IFI30: variants seen among roughly 807,000 people sequenced by gnomAD.
IFI30 encodes the protein gamma-interferon-inducible lysosomal thiol reductase.
IFI30 carries 26 observed loss-of-function variants against 30.1 expected under a neutral mutation model. The observed-to-expected ratio is 0.87, with a 90% CI of 0.63 to 1.20. The LOEUF is 1.20. IFI30 is among the 50% of genes most tolerant of loss of function. IFI30 has a pLI of 0.00. For missense variants in IFI30, 296 were observed against 312.5 expected (o/e 0.95, Z 0.40); for synonymous variants, 149 against 134.5 (o/e 1.11, Z -0.75).
rs747340681 is a variant in IFI30 at position 18,175,242 on chromosome 19, A to C, written c.315+20A>C. 31 of 1,576,770 alleles carry C rather than the reference A, an allele frequency of 2.0e-5. No homozygotes were observed. Among genetic ancestry groups the C allele is most frequent in the Admixed American group, 5.7e-5 (3 of 53,068 alleles). ...GCACAGGTGTGTGGGCGCTGGGGAAACTGAGGCACGTGGGCAGGGGAGCAG... is the reference window on the plus strand; with the variant it reads ...GCACAGGTGTGTGGGCGCTGGGGAACCTGAGGCACGTGGGCAGGGGAGCAG... On this transcript the variant is annotated intron_variant, in intron 2 of 6. Transcript: ENST00000407280.
Position 18,177,960 on chromosome 19 carries a change from T to C in IFI30, c.*49T>C, listed in dbSNP as rs1157075290. The C allele has an allele frequency of 3.9e-6, 6 of 1,546,272 alleles. No individual in the cohort carries two copies. The African/African-American group carries it at 6.8e-5, about 18-fold the overall frequency. ...CATGGAAGGCGAGTGGGAACCCGGC[T>C]GCCTGCCTTTTTTTCTGATCCAGAC... On this transcript the variant is annotated 3_prime_UTR_variant, in exon 7 of 7. Coordinates refer to ENST00000407280, the MANE Select transcript of IFI30 (RefSeq NM_006332.5).
chr19:18,177,841 A>G lies in IFI30; in HGVS notation c.691-8A>G. Reference sequence around the variant, plus strand: ...TCCAGGACCCCAACTCATGGCCTTCACCTCCAGGGCAAGAAGCCGGATGTC... The same window carrying G: ...TCCAGGACCCCAACTCATGGCCTTCGCCTCCAGGGCAAGAAGCCGGATGTC... On this transcript the variant is annotated splice_polypyrimidine_tract_variant and splice_region_variant and intron_variant, in intron 6 of 6. Transcript: ENST00000407280. 2 of 1,603,414 alleles carry G rather than the reference A, an allele frequency of 1.2e-6. No homozygotes were observed. The highest frequency in any genetic ancestry group is 1.7e-6 in the Non-Finnish European group (2 of 1,174,980).
intron 4 of IFI30, among the ~76,000 whole-genome samples, chr19:18,176,126 C>G (rs1250415658): frequency 7.0e-6 from 1 of 141,990 alleles, no homozygotes; most frequent in Non-Finnish European, 1.5e-5. Flanking sequence ...CAGGCGTGAG[C>G]CACCGCACCC....
chr19:18,176,443 C>T (rs554486392), intron 4 of IFI30, among the ~76,000 whole-genome samples: 27 of 152,220 alleles, frequency 1.8e-4, no homozygotes, highest in Admixed American at 1.5e-3. Context: ...CCACCACGCC[C>T]GGCCCCAGCC....
intron 4 of IFI30, among the ~76,000 whole-genome samples, chr19:18,176,179 G>T (rs1312182299): frequency 3.7e-5 from 4 of 108,356 alleles, no homozygotes; most frequent in African/African-American, 1.5e-4. Context: ...TTTTGAGACA[G>T]GGTTTTGCTC....
At chr19:18,174,924 C>T (rs1299139182) in intron 1 of IFI30, 116 bp from the exon 2 acceptor site, 13 of 757,626 alleles carry the variant, frequency 1.7e-5, no homozygotes, top group South Asian at 9.9e-5. Flanking sequence ...TTCTGGAAGG[C>T]GTGCAAGATG....
Position 18,177,151 on chromosome 19 carries a change from C to T in IFI30, c.495C>T (p.Leu165=). The change falls in exon 5 of 7, where the codon CTC becomes CTT. Residue 165 remains leucine, a synonymous_variant. Transcript: ENST00000407280. Reference sequence around the variant, plus strand: ...CCCCACCCACCCAGTGCCTGCAGCTCTACGCCCCAGGGCTGTCGCCAGACA... The same window carrying T: ...CCCCACCCACCCAGTGCCTGCAGCTTTACGCCCCAGGGCTGTCGCCAGACA... ...MERSLPLCLQ[L]YAPGLSPDTI... 4 of 1,565,320 alleles carry T rather than the reference C, an allele frequency of 2.6e-6. No homozygotes were observed. Among genetic ancestry groups the T allele is most frequent in the Non-Finnish European group, 3.5e-6 (4 of 1,154,756 alleles).
intron 4 of IFI30, 84 bp from the exon 5 acceptor site, chr19:18,177,056 C>T (rs954621961): frequency 7.2e-7 from 1 of 1,380,564 alleles, no homozygotes; most frequent in South Asian, 1.5e-5. Flanking sequence ...AGTGACGAAA[C>T]AGGCTTGGCT....
In IFI30 at chr19:18,177,156, C is replaced by T. The variant is rs1003082359; in HGVS notation, c.500C>T (p.Ala167Val). The change falls in exon 5 of 7, where the codon GCC becomes GTC. Residue 167 changes from alanine to valine, a missense_variant. Transcript: ENST00000407280. ...CCCACCCAGTGCCTGCAGCTCTACG[C>T]CCCAGGGCTGTCGCCAGACACTATC... ...RSLPLCLQLYAPGLSPDTIME... is the reference protein window; with the variant it reads ...RSLPLCLQLYVPGLSPDTIME... 7 of 1,572,474 alleles carry T rather than the reference C, an allele frequency of 4.5e-6. No homozygotes were observed. Among genetic ancestry groups the T allele is most frequent in the African/African-American group, 1.4e-5 (1 of 73,876 alleles).
rs183685904 is a variant in IFI30, at chr19:18,176,696, C to G, written c.484-444C>G. Reference sequence around the variant, plus strand: ...GACTCATTGGCTCCAATCATTTATTCATTCATCAAACATCCGGGTCACCCA... The same window carrying G: ...GACTCATTGGCTCCAATCATTTATTGATTCATCAAACATCCGGGTCACCCA... On this transcript the variant is annotated intron_variant, in intron 4 of 6. Coordinates refer to ENST00000407280, the MANE Select transcript of IFI30 (RefSeq NM_006332.5). Among the ~76,000 whole-genome samples, 565 of 152,286 alleles carry G rather than the reference C, an allele frequency of 3.7e-3. 3 individuals are homozygous for G. Among genetic ancestry groups the G allele is most frequent in the Non-Finnish European group, 6.9e-3 (469 of 68,012 alleles).
At position 18,173,930 on chromosome 19, in the gene IFI30, A is replaced by C. The variant is rs1967232264; in HGVS notation, c.89A>C (p.Gln30Pro). 6.4e-7 allele frequency: 1 copy of C among 1,551,516 alleles called. No individual in the cohort carries two copies. The highest frequency in any genetic ancestry group is 1.4e-5 in the African/African-American group (1 of 73,192). ...PTAAVQASPL[Q>P]ALDFFGNGPP... is the part of the protein sequence containing the mutation. ...GCGGCGGTGCAGGCGTCCCCTCTGCAAGCGTTAGACTTCTTTGGGAATGGG... is the reference window on the plus strand; with the variant it reads ...GCGGCGGTGCAGGCGTCCCCTCTGCCAGCGTTAGACTTCTTTGGGAATGGG... The change falls in exon 1 of 7, where the codon CAA becomes CCA. Residue 30 changes from glutamine to proline, a missense_variant. Physicochemically the swap from Gln to Pro is moderately conservative, Grantham distance 76. Transcript: ENST00000407280.
At chr19:18,175,859 T>C (rs1967264020) in intron 4 of IFI30, among the ~76,000 whole-genome samples, 162 bp downstream of exon 4, 1 of 152,182 alleles carries the variant, frequency 6.6e-6, no homozygotes, top group South Asian at 2.1e-4. Flanking sequence ...TTATTTTTTC[T>C]TGAGACAGAG....
chr19:18,173,813 G>A lies in IFI30; in HGVS notation c.-29G>A, dbSNP rs1967230163. 1 of 1,508,796 alleles carries A rather than the reference G, an allele frequency of 6.6e-7. No homozygotes were observed. Among genetic ancestry groups the A allele is most frequent in the Non-Finnish European group, 8.9e-7 (1 of 1,127,062 alleles). The allele number at this position is 1,508,796 out of a possible 1,614,324, so 93.5% of individuals were successfully genotyped here. On this transcript the variant is annotated 5_prime_UTR_variant, in exon 1 of 7. Coordinates refer to ENST00000407280, the MANE Select transcript of IFI30 (RefSeq NM_006332.5). Reference sequence around the variant, plus strand: ...GGCGCTTATTTCCCAGGCAGCCGCTGCAGTCGCCACACCTTTGCCCCTGCT... The same window carrying A: ...GGCGCTTATTTCCCAGGCAGCCGCTACAGTCGCCACACCTTTGCCCCTGCT...
Position 18,175,045 on chromosome 19 carries a change from C to T in IFI30, c.138C>T (p.Gly46=). 6.2e-7 allele frequency: 1 copy of T among 1,613,066 alleles called. No homozygotes were observed. The highest frequency in any genetic ancestry group is 2.2e-5 in the East Asian group (1 of 44,876). The change falls in exon 2 of 7, where the codon GGC becomes GGT. Residue 46 remains glycine (G), a synonymous_variant. Transcript: ENST00000407280. ...GNGPPVNYKT[G]NLYLRGPLKK... is the part of the protein sequence containing the mutation. ...CACGCCTTCCTAATCCACAGACAGG[C>T]AATCTATACCTGCGGGGGCCCCTGA...
chr19:18,174,296 C>T (rs999805542), intron 1 of IFI30: 39 of 261,942 alleles, frequency 1.5e-4, no homozygotes, highest in Non-Finnish European at 1.1e-4. Flanking sequence ...ACAAGTTCAG[C>T]AGCTGGCCAA....
At chr19:18,174,941 G>A (rs2241090) in intron 1 of IFI30, 99 bp from the exon 2 acceptor site, 152 of 916,238 alleles carry the variant, frequency 1.7e-4, no homozygotes, top group South Asian at 1.3e-3. Context: ...GATGAATTGC[G>A]TATCACAGCC....
intron 1 of IFI30, chr19:18,174,204 C>G: frequency 2.0e-6 from 1 of 498,004 alleles, no homozygotes; most frequent in East Asian, 3.7e-5. Context: ...CCTCCACCCG[C>G]CTAGTCCCGC....
intron 4 of IFI30, among the ~76,000 whole-genome samples, chr19:18,176,428 G>A (rs1321465580): frequency 6.6e-6 from 1 of 152,000 alleles, no homozygotes; most frequent in African/African-American, 2.4e-5. Flanking sequence ...GATTACAGGT[G>A]TAAGCCACCA....
intron 5 of IFI30, 143 bp from the exon 6 acceptor site, chr19:18,177,568 T>C (rs1297603478): frequency 2.7e-5 from 26 of 979,174 alleles, no homozygotes; most frequent in African/African-American, 1.8e-4. Flanking sequence ...GCCACCCCCA[T>C]TGGGAAAGAT....
Sources: gnomAD v4.1 joint callset for allele counts (sites outside exome capture counted in the v4.1 genomes callset) on GRCh38, gnomAD v4.1.1 for gene constraint, MANE v1.5 for transcripts, NCBI Gene and HGNC (gene_info 2026-07-23, HGNC 2026-07-21) for gene names.